The following HIVEP3 variants were observed in gnomAD, a reference collection of about 807,000 sequenced individuals.
HIVEP3 encodes the protein transcription factor HIVEP3.
In HIVEP3, 49 loss-of-function variants were observed where a neutral mutation model predicts 152.8. The observed-to-expected ratio is 0.32, with a 90% CI of 0.26 to 0.41. The LOEUF (loss-of-function observed/expected upper bound fraction) is 0.41. Ranked by LOEUF, HIVEP3 falls within the 10% of genes least tolerant of loss-of-function variation. HIVEP3 has a pLI of 1.00. For synonymous variants in HIVEP3, 1,269 were observed against 1,289.0 expected (o/e 0.98, Z 0.33); for missense variants, 2,790 against 3,103.3 (o/e 0.90, Z 2.40).
intron 1 of HIVEP3, among the ~76,000 whole-genome samples, chr1:41,811,908 C>T (rs1650983677): frequency 6.6e-6 from 1 of 151,898 alleles, no homozygotes; most frequent in African/African-American, 2.4e-5. Context: ...AAAAAAAATA[C>T]TTTATTCTAA....
intron 1 of HIVEP3, among the ~76,000 whole-genome samples, chr1:41,716,284 C>T (rs1214023795): frequency 1.3e-5 from 2 of 152,138 alleles, no homozygotes; most frequent in Admixed American, 6.5e-5. Context: ...AAAGTCCCAG[C>T]CAGAGATAAG....
intron 3 of HIVEP3, among the ~76,000 whole-genome samples, chr1:41,606,762 T>C (rs960422561): frequency 6.6e-6 from 1 of 151,886 alleles, no homozygotes; most frequent in Non-Finnish European, 1.5e-5. Flanking sequence ...AGGATGACTC[T>C]TAGTTTATCC....
At chr1:41,519,266 G>A (rs1642694620) in intron 6 of HIVEP3, among the ~76,000 whole-genome samples, 1 of 152,230 alleles carries the variant, frequency 6.6e-6, no homozygotes, top group South Asian at 2.1e-4. Flanking sequence ...GCCCTCAGAG[G>A]GGAGGCTGAC....
intron 3 of HIVEP3, among the ~76,000 whole-genome samples, chr1:41,610,354 C>T (rs1020060238): frequency 6.6e-6 from 1 of 152,230 alleles, no homozygotes; most frequent in Non-Finnish European, 1.5e-5. Context: ...TATTTGTTTA[C>T]AAGCTTTTCT....
chr1:41,950,277 G>A (rs752300362), intron 1 of HIVEP3, among the ~76,000 whole-genome samples: 3 of 152,134 alleles, frequency 2.0e-5, no homozygotes, highest in East Asian at 1.9e-4. Flanking sequence ...TTGTATGGGA[G>A]TTCTGTTTTC....
At chr1:41,598,395 G>T (rs148573174) in intron 3 of HIVEP3, among the ~76,000 whole-genome samples, 1 of 152,256 alleles carries the variant, frequency 6.6e-6, no homozygotes, top group Admixed American at 6.5e-5. Context: ...GCAATACATA[G>T]AATACACAAT....
chr1:41,955,256 G>T (rs1645134110), intron 1 of HIVEP3, among the ~76,000 whole-genome samples: 1 of 151,954 alleles, frequency 6.6e-6, no homozygotes, highest in African/African-American at 2.4e-5. Flanking sequence ...GGGTAGGGGT[G>T]GGGTGGGAGC....
chr1:41,557,326 A>C (rs1265114111), intron 5 of HIVEP3, among the ~76,000 whole-genome samples: 1 of 152,180 alleles, frequency 6.6e-6, no homozygotes. Flanking sequence ...TGAACAAAAC[A>C]GCAGTGTGTT....
chr1:41,618,097 T>G (rs934400965), intron 3 of HIVEP3, among the ~76,000 whole-genome samples: 1 of 152,200 alleles, frequency 6.6e-6, no homozygotes, highest in Non-Finnish European at 1.5e-5. Context: ...AGAGGAAACT[T>G]ACCCAGGCTG....
intron 1 of HIVEP3, among the ~76,000 whole-genome samples, chr1:41,908,358 A>G (rs772187677): frequency 1.3e-5 from 2 of 152,196 alleles, no homozygotes; most frequent in Non-Finnish European, 2.9e-5. Context: ...TCTACTCAAT[A>G]TCATTCACTT....
At chr1:42,020,193 TATA>T (rs1252823355) in intron 1 of HIVEP3, among the ~76,000 whole-genome samples, 1 of 152,122 alleles carries the variant, frequency 6.6e-6, no homozygotes, top group Non-Finnish European at 1.5e-5. Flanking sequence ...CAGCTTTTGA[TATA>T]ATGTTTTTTC....
At chr1:41,917,728 T>C (rs569928259) in intron 1 of HIVEP3, among the ~76,000 whole-genome samples, 123 of 152,248 alleles carry the variant, frequency 8.1e-4, no homozygotes, top group African/African-American at 2.9e-3. Context: ...CTCTCTCTGC[T>C]AGCAGGGAGG....
At chr1:42,021,142 G>A (rs796653721) in intron 1 of HIVEP3, among the ~76,000 whole-genome samples, 14 of 152,290 alleles carry the variant, frequency 9.2e-5, no homozygotes, top group African/African-American at 2.9e-4. Context: ...CTGTTCTAAC[G>A]AATGTGTGTA....
intron 2 of HIVEP3, among the ~76,000 whole-genome samples, chr1:41,631,479 G>A (rs1161736038): frequency 2.6e-5 from 4 of 152,126 alleles, no homozygotes; most frequent in African/African-American, 9.7e-5. Flanking sequence ...CAGGCCTGGG[G>A]CACTGTTACC....
intron 1 of HIVEP3, among the ~76,000 whole-genome samples, chr1:41,989,788 C>T (rs1645346307): frequency 6.6e-6 from 1 of 151,112 alleles, no homozygotes; most frequent in Non-Finnish European, 1.5e-5. Flanking sequence ...GATCTTCCTC[C>T]ATCCTTTTAT....
chr1:41,903,221 G>C (rs1334947553), intron 1 of HIVEP3, among the ~76,000 whole-genome samples: 1 of 152,140 alleles, frequency 6.6e-6, no homozygotes, highest in African/African-American at 2.4e-5. Flanking sequence ...AACTAGATGG[G>C]GCTCCTGAAG....
intron 1 of HIVEP3, among the ~76,000 whole-genome samples, chr1:41,952,297 C>A (rs1036506564): frequency 1.3e-5 from 2 of 152,166 alleles, no homozygotes; most frequent in Non-Finnish European, 2.9e-5. Flanking sequence ...GGGTGATCAA[C>A]TTCCTCAATG....
At chr1:41,843,932 G>T (rs555829) in intron 1 of HIVEP3, among the ~76,000 whole-genome samples, 70,814 of 150,854 alleles carry the variant, frequency 0.47, 19,068 homozygotes, top group African/African-American at 0.75. Flanking sequence ...TCCACAACAG[G>T]CCCCAGTGTG....
chr1:41,708,575 G>T (rs959780114), intron 1 of HIVEP3, among the ~76,000 whole-genome samples: 2 of 152,144 alleles, frequency 1.3e-5, no homozygotes, highest in African/African-American at 4.8e-5. Flanking sequence ...CTGGTCCCTG[G>T]AGGGGCCCTG....
Sources: allele counts gnomAD v4.1 joint callset (sites outside exome capture counted in the v4.1 genomes callset), GRCh38; gene constraint gnomAD v4.1.1; transcripts MANE v1.5; gene names NCBI Gene and HGNC (gene_info 2026-07-23, HGNC 2026-07-21).